Variants in MYBPC2 observed in about 807,000 individuals in gnomAD.
MYBPC2 encodes the protein myosin binding protein C2, also known as myosin-binding protein C, fast-type.
Under a neutral mutation model 137.0 loss-of-function variants are expected in MYBPC2, and 122 were observed. That is an observed-to-expected ratio of 0.89 (90% CI 0.77 to 1.03). The LOEUF (loss-of-function observed/expected upper bound fraction) is 1.03. Among genes scored for constraint, MYBPC2 ranks in the 50% least tolerant of loss-of-function variants. The pLI, the probability that MYBPC2 is intolerant of heterozygous loss-of-function variation, is 0.00. For missense variants in MYBPC2, 1,500 were observed against 1,534.4 expected (o/e 0.98, Z 0.37); for synonymous variants, 626 against 612.3 (o/e 1.02, Z -0.33).
rs1411822592 is a variant in MYBPC2 at position 50,442,462 on chromosome 19, C to A, written c.902+149C>A. 4.1e-6 allele frequency: 5 copies of A among 1,224,112 alleles called. No homozygotes were observed. In the African/African-American group the frequency reaches 7.7e-5, roughly 19 times the overall value. 75.8% of individuals were successfully genotyped at this position (1,224,112 alleles called of 1,614,324 possible). On this transcript the variant is annotated intron_variant, in intron 9 of 27. Transcript: ENST00000357701. Reference sequence around the variant, plus strand: ...GGGCACAGTGGCTCACGCCTGTAATCCTAGCACTTTGGGAGGCCGAGGCGG... The same window carrying A: ...GGGCACAGTGGCTCACGCCTGTAATACTAGCACTTTGGGAGGCCGAGGCGG...
rs747411176 is a variant in MYBPC2 at position 50,451,934 on chromosome 19, C to T, written c.1680C>T (p.Asn560=). 1.3e-6 allele frequency: 2 copies of T among 1,570,920 alleles called. No homozygotes were observed. The highest frequency in any genetic ancestry group is 1.4e-5 in the African/African-American group (1 of 74,072). The change falls in exon 16 of 28, where the codon AAC becomes AAT. Residue 560 remains asparagine, a synonymous_variant. Coordinates refer to ENST00000357701, the MANE Select transcript of MYBPC2 (RefSeq NM_004533.4). ...ATGCGATTGTGGTTGTGGCTGGAAACAAGCTGAGGCTTGACGTGTCCATCA... is the reference window on the plus strand; with the variant it reads ...ATGCGATTGTGGTTGTGGCTGGAAATAAGCTGAGGCTTGACGTGTCCATCA... ...SENAIVVVAG[N]KLRLDVSITG...
chr19:50,452,008 G>A lies in MYBPC2; in HGVS notation c.1749+5G>A. 1 of 1,551,996 alleles carries A rather than the reference G, an allele frequency of 6.4e-7. No individual in the cohort carries two copies. The highest frequency in any genetic ancestry group is 2.4e-5 in the East Asian group (1 of 40,934). On this transcript the variant is annotated splice_donor_5th_base_variant and intron_variant, in intron 16 of 27. Transcript: ENST00000357701. ...ACCTGGCTGAAGGGAGATGAGGTGGGTTGGGGCCGCCCCTCTGTCCTCACT... is the reference window on the plus strand; with the variant it reads ...ACCTGGCTGAAGGGAGATGAGGTGGATTGGGGCCGCCCCTCTGTCCTCACT...
At chr19:50,449,583 A>G (rs908672895) in intron 13 of MYBPC2, among the ~76,000 whole-genome samples, 1 of 152,258 alleles carries the variant, frequency 6.6e-6, no homozygotes, top group Non-Finnish European at 1.5e-5. Flanking sequence ...GGGATGCTGC[A>G]AAGTCGCATT....
chr19:50,436,136 G>A lies in MYBPC2; in HGVS notation c.321G>A (p.Lys107=), dbSNP rs187765595. Residue 107 remains lysine, a synonymous_variant, in exon 4 of 28, where the codon AAG becomes AAA. Transcript: ENST00000357701. ...GSKSGARFSF[K]ESHNSASNVY... Reference sequence around the variant, plus strand: ...AGAGTGGCGCCCGCTTCTCCTTCAAGGAGTCCCACAACTCCGCCAGCAATG... The same window carrying A: ...AGAGTGGCGCCCGCTTCTCCTTCAAAGAGTCCCACAACTCCGCCAGCAATG... The A allele has an allele frequency of 8.2e-3, 12,937 of 1,582,480 alleles. 79 individuals carry two copies. Among genetic ancestry groups the A allele is most frequent in the Non-Finnish European group, 9.7e-3 (11,291 of 1,164,658 alleles).
At position 50,464,371 on chromosome 19, in the gene MYBPC2, A is replaced by T; in HGVS notation, c.3254A>T (p.Lys1085Met). 1 of 1,609,842 alleles carries T rather than the reference A, an allele frequency of 6.2e-7. No individual in the cohort carries two copies. ...CCGAAGGTGGTCTGGATGAAGAACA[A>T]GATGGAAATCCGTGAAGATCCCAAG... ...PKPKVVWMKN[K>M]MEIREDPKFL... Residue 1085 changes from lysine to methionine, a missense_variant, in exon 27 of 28, where the codon AAG becomes ATG. Physicochemically the swap from Lys to Met is moderately conservative, Grantham distance 95. Transcript: ENST00000357701.
chr19:50,442,453 G>A (rs993342740), intron 9 of MYBPC2, 140 bp downstream of exon 9: 19 of 1,266,530 alleles, frequency 1.5e-5, no homozygotes, highest in Middle Eastern at 2.8e-4. Flanking sequence ...AGTGGCTCAC[G>A]CCTGTAATCC....
intron 26 of MYBPC2, among the ~76,000 whole-genome samples, chr19:50,463,336 T>C (rs573741774): frequency 3.9e-5 from 6 of 152,318 alleles, no homozygotes; most frequent in South Asian, 4.1e-4. Context: ...CTGTAGGTTA[T>C]TCGCTTCAGC....
rs2040015529 is a variant in MYBPC2 at position 50,466,242 on chromosome 19, A to C, written c.*37A>C. On this transcript the variant is annotated 3_prime_UTR_variant, in exon 28 of 28. Coordinates refer to ENST00000357701, the MANE Select transcript of MYBPC2 (RefSeq NM_004533.4). This position sits in a 1 kb window ranked among gnomAD's most constrained non-coding sequence, Gnocchi z 4.9. ...TACCTGCCAAGACAATTGGTGGTGG[A>C]GTCCTGACCCCAATCCCCAACCTCC... 1 of 1,613,762 alleles carries C rather than the reference A, an allele frequency of 6.2e-7. No individual in the cohort carries two copies. Among genetic ancestry groups the C allele is most frequent in the Non-Finnish European group, 8.5e-7 (1 of 1,179,756 alleles).
Position 50,443,500 on chromosome 19 carries a change from G to A in MYBPC2, c.909G>A (p.Val303=). The change falls in exon 10 of 28, where the codon GTG becomes GTA. Residue 303 remains valine, a synonymous_variant. Transcript: ENST00000357701. ...GQEIKPSSKY[V]FENVGKKRIL... ...GGTGAGACTTTTGAATCAGGTACGT[G>A]TTTGAGAACGTTGGTAAGAAGCGAA... 1.9e-6 allele frequency: 3 copies of A among 1,613,306 alleles called. No homozygotes were observed. The highest frequency in any genetic ancestry group is 2.5e-6 in the Non-Finnish European group (3 of 1,179,636).
chr19:50,447,029 T>C (rs370662040), intron 12 of MYBPC2, among the ~76,000 whole-genome samples: 10 of 145,548 alleles, frequency 6.9e-5, no homozygotes, highest in African/African-American at 2.3e-4. Context: ...ACAGCCCCCC[T>C]GTTGCTGCCC....
At chr19:50,447,337 G>A (rs2039815220) in intron 12 of MYBPC2, among the ~76,000 whole-genome samples, 4 of 152,066 alleles carry the variant, frequency 2.6e-5, no homozygotes, top group South Asian at 4.2e-4. Context: ...AGCTCTAGGG[G>A]TCTATAATTC....
intron 11 of MYBPC2, among the ~76,000 whole-genome samples, chr19:50,445,210 G>A (rs2039792886): frequency 6.6e-6 from 1 of 151,950 alleles, no homozygotes. Context: ...AGAGTGCCCT[G>A]GACAGGGAAA....
chr19:50,458,581 C>G lies in MYBPC2; in HGVS notation c.2339-6C>G, dbSNP rs746759740. ...CGAGATCCGCCAGCAGGGCCTCTCT[C>G]TCCAGCCGAGGAATGGGTCCCTGCC... is the stretch of plus-strand genomic sequence containing the variant. On this transcript the variant is annotated splice_region_variant and splice_polypyrimidine_tract_variant and intron_variant, in intron 20 of 27. Transcript: ENST00000357701. 1.9e-6 allele frequency: 3 copies of G among 1,610,914 alleles called. No individual in the cohort carries two copies. Among genetic ancestry groups the G allele is most frequent in the Non-Finnish European group, 2.5e-6 (3 of 1,179,812 alleles).
chr19:50,461,309 C>T (rs2039969235), intron 24 of MYBPC2, among the ~76,000 whole-genome samples: 1 of 152,152 alleles, frequency 6.6e-6, no homozygotes, highest in Non-Finnish European at 1.5e-5. Flanking sequence ...CTGACCCCTT[C>T]TTAGCGTTGA....
At chr19:50,453,075 T>G (rs1446580043) in intron 16 of MYBPC2, among the ~76,000 whole-genome samples, 1 of 152,228 alleles carries the variant, frequency 6.6e-6, no homozygotes, top group South Asian at 2.1e-4. Flanking sequence ...ATGAGTTGGA[T>G]GCGGCTCCTG....
chr19:50,462,042 A>G lies in MYBPC2; in HGVS notation c.3228+6A>G. ...CTGTCAGAGGCCACCCGAAGGTGCCAGGGCAGGGACCCAGATCTGCGTGTG... is the reference window on the plus strand; with the variant it reads ...CTGTCAGAGGCCACCCGAAGGTGCCGGGGCAGGGACCCAGATCTGCGTGTG... On this transcript the variant is annotated splice_donor_region_variant and intron_variant, in intron 26 of 27. Coordinates refer to ENST00000357701, the MANE Select transcript of MYBPC2 (RefSeq NM_004533.4). 1 of 1,571,640 alleles carries G rather than the reference A, an allele frequency of 6.4e-7. No homozygotes were observed. Among genetic ancestry groups the G allele is most frequent in the Non-Finnish European group, 8.6e-7 (1 of 1,158,282 alleles).
At chr19:50,447,135 C>A (rs1326598162) in intron 12 of MYBPC2, among the ~76,000 whole-genome samples, 1 of 152,046 alleles carries the variant, frequency 6.6e-6, no homozygotes, top group Non-Finnish European at 1.5e-5. Flanking sequence ...TGACCTCCAC[C>A]CCCCAGTACC....
chr19:50,438,584 G>C (rs2039724484), intron 7 of MYBPC2, among the ~76,000 whole-genome samples: 1 of 152,162 alleles, frequency 6.6e-6, no homozygotes, highest in Admixed American at 6.5e-5. Flanking sequence ...AATGATTGAA[G>C]TCTGGGTGCA....
intron 1 of MYBPC2, 136 bp downstream of exon 1, chr19:50,433,108 G>A (rs1427092642): frequency 1.7e-5 from 19 of 1,137,930 alleles, no homozygotes; most frequent in Non-Finnish European, 2.2e-5. Flanking sequence ...TTGCTGTGCG[G>A]GATGGGGGTT....
Sources: gnomAD v4.1 joint callset for allele counts (sites outside exome capture counted in the v4.1 genomes callset) on GRCh38, gnomAD v4.1.1 for gene constraint, Gnocchi (gnomAD v3.1) non-coding constraint, MANE v1.5 for transcripts, NCBI Gene and HGNC (gene_info 2026-07-23, HGNC 2026-07-21) for gene names.